The following RBFOX1 variants were observed in gnomAD, a reference collection of about 807,000 sequenced individuals.
The protein encoded by RBFOX1 is RNA binding protein fox-1 homolog 1.
Under a neutral mutation model 57.7 loss-of-function variants are expected in RBFOX1, and 8 were observed. That is an observed-to-expected ratio of 0.14 (90% CI 0.08 to 0.25). RBFOX1 has a LOEUF of 0.25. Among genes scored for constraint, RBFOX1 ranks in the 10% least tolerant of loss-of-function variants. The pLI, the probability that RBFOX1 is intolerant of heterozygous loss-of-function variation, is 1.00. For synonymous variants in RBFOX1, 326 were observed against 222.4 expected (o/e 1.47, Z -4.15); for missense variants, 611 against 548.5 (o/e 1.11, Z -1.14).
chr16:7,694,406 G>C (rs777105143), intron 14 of RBFOX1, among the ~76,000 whole-genome samples: 1 of 152,190 alleles, frequency 6.6e-6, no homozygotes, highest in African/African-American at 2.4e-5. Flanking sequence ...AGGAAGGACA[G>C]AGAGCTAGGA....
intron 4 of RBFOX1, among the ~76,000 whole-genome samples, chr16:7,395,273 C>G (rs2098122228): frequency 1.3e-5 from 2 of 152,194 alleles, no homozygotes; most frequent in East Asian, 1.9e-4. Context: ...ACTGGGAGCC[C>G]CCAACACACC....
intron 4 of RBFOX1, among the ~76,000 whole-genome samples, chr16:7,484,201 G>A (rs373085862): frequency 7.2e-5 from 11 of 152,114 alleles, no homozygotes; most frequent in Admixed American, 1.3e-4. Flanking sequence ...GGTACGTCAC[G>A]GTAGGAATAT....
intron 1 of RBFOX1, among the ~76,000 whole-genome samples, chr16:6,105,222 T>C (rs1411534277): frequency 6.6e-6 from 1 of 152,218 alleles, no homozygotes; most frequent in Non-Finnish European, 1.5e-5. Context: ...TTGGAGAATA[T>C]GTACAGTGTC....
At chr16:7,336,695 A>C (rs1037309004) in intron 4 of RBFOX1, among the ~76,000 whole-genome samples, 3 of 152,250 alleles carry the variant, frequency 2.0e-5, no homozygotes, top group Non-Finnish European at 4.4e-5. Flanking sequence ...CTCTGTGCTA[A>C]ACACTTAGAT....
intron 3 of RBFOX1, among the ~76,000 whole-genome samples, chr16:6,913,840 G>A (rs1004264219): frequency 5.2e-4 from 79 of 152,174 alleles, no homozygotes; most frequent in African/African-American, 1.8e-3. Context: ...TGCATGTGGC[G>A]TAATTGTATT....
At chr16:6,648,752 T>A (rs1022693740) in intron 2 of RBFOX1, among the ~76,000 whole-genome samples, 5 of 152,188 alleles carry the variant, frequency 3.3e-5, no homozygotes, top group Non-Finnish European at 7.3e-5. Context: ...GACAGAGAGC[T>A]GCTTTTTCTC....
At chr16:6,895,357 G>T (rs928223335) in intron 3 of RBFOX1, among the ~76,000 whole-genome samples, 5 of 149,206 alleles carry the variant, frequency 3.4e-5, no homozygotes, top group African/African-American at 1.2e-4. Flanking sequence ...GAACTAAGCA[G>T]ATAGGAGAAC....
chr16:7,158,211 C>T (rs976063398), intron 4 of RBFOX1, among the ~76,000 whole-genome samples: 2 of 151,934 alleles, frequency 1.3e-5, no homozygotes, highest in South Asian at 2.1e-4. Context: ...CCGAGCGTGC[C>T]GGTGGGCTCC....
intron 3 of RBFOX1, among the ~76,000 whole-genome samples, chr16:6,859,118 T>C (rs1229030008): frequency 3.6e-5 from 2 of 55,230 alleles, no homozygotes; most frequent in African/African-American, 2.0e-4. Flanking sequence ...AGTGTATATA[T>C]ATATATATAT....
At chr16:6,412,528 A>C (rs2093492159) in intron 2 of RBFOX1, among the ~76,000 whole-genome samples, 1 of 152,238 alleles carries the variant, frequency 6.6e-6, no homozygotes, top group Non-Finnish European at 1.5e-5. Flanking sequence ...TTGAGTTATC[A>C]AATGGAAACT....
chr16:7,419,849 C>A (rs1438120889), intron 4 of RBFOX1, among the ~76,000 whole-genome samples: 2 of 150,126 alleles, frequency 1.3e-5, no homozygotes, highest in Non-Finnish European at 3.0e-5. Context: ...CCTTTTTTTT[C>A]TTTTCTCCAC....
chr16:5,375,915 C>G (rs1341655029), intron 1 of RBFOX1, among the ~76,000 whole-genome samples: 4 of 152,072 alleles, frequency 2.6e-5, no homozygotes, highest in African/African-American at 9.7e-5. Flanking sequence ...GCCTGTAATC[C>G]CAGCACTTTG....
intron 3 of RBFOX1, among the ~76,000 whole-genome samples, chr16:6,655,231 G>A (rs541125330): frequency 2.0e-5 from 3 of 150,958 alleles, no homozygotes; most frequent in East Asian, 3.9e-4. Context: ...AAAATTAGCC[G>A]GGTGTGGTGG....
chr16:6,329,533 A>G (rs1214436538), intron 2 of RBFOX1, among the ~76,000 whole-genome samples: 2 of 152,212 alleles, frequency 1.3e-5, no homozygotes, highest in African/African-American at 4.8e-5. Context: ...CATCAAAGAA[A>G]TAGTGACAAA....
intron 3 of RBFOX1, among the ~76,000 whole-genome samples, chr16:6,944,397 GAAAAAAAA>G (rs199499186): frequency 6.6e-5 from 7 of 106,120 alleles, no homozygotes; most frequent in Admixed American, 1.0e-4. Flanking sequence ...CCATCTCAGA[GAAAAAAAA>G]AAAAAAAAAA....
chr16:6,790,149 A>T (rs1356923977), intron 3 of RBFOX1, among the ~76,000 whole-genome samples: 2 of 140,716 alleles, frequency 1.4e-5, no homozygotes, highest in Non-Finnish European at 3.0e-5. Context: ...TGACTCTTAG[A>T]TTCTGGATTT....
chr16:5,539,214 C>T (rs1262080509), intron 2 of RBFOX1, among the ~76,000 whole-genome samples: 1 of 152,118 alleles, frequency 6.6e-6, no homozygotes, highest in Non-Finnish European at 1.5e-5. Context: ...CAGGGAGCTA[C>T]AAAGTGCATG....
At chr16:5,321,999 G>A (rs947242731) in intron 1 of RBFOX1, among the ~76,000 whole-genome samples, 1 of 152,124 alleles carries the variant, frequency 6.6e-6, no homozygotes, top group African/African-American at 2.4e-5. Context: ...ACCATCTGTG[G>A]TAGATACTAG....
At chr16:6,624,590 A>G (rs78858021) in intron 2 of RBFOX1, among the ~76,000 whole-genome samples, 2,810 of 152,248 alleles carry the variant, frequency 0.018, 87 homozygotes, top group African/African-American at 0.064. Context: ...TTTTTGTAAG[A>G]CTGTACCCTA....
Sources: allele counts gnomAD v4.1 joint callset (sites outside exome capture counted in the v4.1 genomes callset), GRCh38; gene constraint gnomAD v4.1.1; transcripts MANE v1.5; gene names NCBI Gene and HGNC (gene_info 2026-07-23, HGNC 2026-07-21).